Variants in PRTG observed in about 807,000 individuals in gnomAD.
PRTG encodes immunoglobulin superfamily, DCC subclass, member 5.
In PRTG, 67 loss-of-function variants were observed where a neutral mutation model predicts 122.5. The ratio of observed to expected loss-of-function variants is 0.55; its 90% CI spans 0.45 to 0.67. PRTG has a LOEUF of 0.67. PRTG is among the 30% of genes least tolerant of loss of function. The pLI, the probability that PRTG is intolerant of heterozygous loss-of-function variation, is 0.00. For synonymous variants in PRTG, 554 were observed against 501.1 expected, an observed-to-expected ratio of 1.11 and a Z score of -1.41; for missense variants, 1,435 against 1,415.4, an observed-to-expected ratio of 1.01 and a Z score of -0.22.
intron 2 of PRTG, among the ~76,000 whole-genome samples, chr15:55,715,701 G>A (rs192587332): frequency 1.6e-3 from 251 of 152,280 alleles, no homozygotes; most frequent in Non-Finnish European, 1.1e-3. Context: ...CTAGAGTTCC[G>A]TAAGGAAAAT....
chr15:55,639,454 T>C (rs1192241285), intron 13 of PRTG, among the ~76,000 whole-genome samples, 188 bp downstream of exon 13: 2 of 152,188 alleles, frequency 1.3e-5, no homozygotes, highest in Admixed American at 1.3e-4. Flanking sequence ...AAATTAAATG[T>C]CAAAAAGTAT....
intron 2 of PRTG, among the ~76,000 whole-genome samples, chr15:55,736,205 GA>G (rs147318437): frequency 0.088 from 13,310 of 152,058 alleles, 684 homozygotes; most frequent in Middle Eastern, 0.19. Context: ...GACTTCAAGT[GA>G]ATAGGCACGC....
chr15:55,694,166 T>A (rs1434441001), intron 2 of PRTG, among the ~76,000 whole-genome samples: 2 of 152,194 alleles, frequency 1.3e-5, no homozygotes, highest in African/African-American at 4.8e-5. Flanking sequence ...GTAACTAAGT[T>A]CAGATCTCCA....
Position 55,619,746 on chromosome 15 carries a change from T to C in PRTG, c.*266A>G. 2.3e-6 allele frequency: 1 copy of C among 430,646 alleles called. No homozygotes were observed. The highest frequency in any genetic ancestry group is 4.0e-6 in the Non-Finnish European group (1 of 249,734). 26.7% of individuals were successfully genotyped at this position (430,646 alleles called of 1,614,324 possible). A position where few individuals can be genotyped will look rare whatever the true frequency, so the allele number is the denominator to read the frequency against. On this transcript the variant is annotated 3_prime_UTR_variant, in exon 20 of 20. Transcript: ENST00000389286. ...GTTTAAAAATAAAAAACAAAACACATTCAAAAAAAGCTAAAATACCCCATA... is the reference window on the plus strand; with the variant it reads ...GTTTAAAAATAAAAAACAAAACACACTCAAAAAAAGCTAAAATACCCCATA...
intron 18 of PRTG, among the ~76,000 whole-genome samples, 170 bp downstream of exon 18, chr15:55,624,172 T>C (rs1192514639): frequency 2.0e-5 from 3 of 150,596 alleles, no homozygotes; most frequent in African/African-American, 7.3e-5. Flanking sequence ...CTCACCTTTT[T>C]CCCCCTAAAT....
At chr15:55,738,401 T>C (rs1197277811) in intron 2 of PRTG, 3 of 678,196 alleles carry the variant, frequency 4.4e-6, no homozygotes, top group Non-Finnish European at 8.0e-6. Context: ...TAGGATTCTA[T>C]CAGGCTTCTC....
rs370147827 is a variant in PRTG at position 55,673,689 on chromosome 15, G to A, written c.1547-13C>T. ...GGTCTCAGGGGAACTAGTCATAGAAGAAATCAGGTTGTTTATAAATATTTA... is the reference window on the plus strand; with the variant it reads ...GGTCTCAGGGGAACTAGTCATAGAAAAAATCAGGTTGTTTATAAATATTTA... On this transcript the variant is annotated splice_polypyrimidine_tract_variant and intron_variant, in intron 9 of 19. Transcript: ENST00000389286. 6.2e-7 allele frequency: 1 copy of A among 1,604,660 alleles called. No individual in the cohort carries two copies. The highest frequency in any genetic ancestry group is 1.3e-5 in the African/African-American group (1 of 74,632).
chr15:55,691,110 C>G (rs952901657), intron 2 of PRTG, among the ~76,000 whole-genome samples: 4 of 151,928 alleles, frequency 2.6e-5, no homozygotes, highest in Admixed American at 2.6e-4. Flanking sequence ...ACCTGGCCAA[C>G]GTGATGAAAC....
Position 55,620,180 on chromosome 15 carries a change from TG to T in PRTG, c.3284del (p.Pro1095GlnfsTer49), listed in dbSNP as rs757742064. On this transcript the variant is annotated frameshift_variant, in exon 20 of 20. Coordinates refer to ENST00000389286, the MANE Select transcript of PRTG (RefSeq NM_173814.6). LOFTEE classifies it high-confidence loss of function. Reference protein sequence around the residue: ...LISDEDSPSSPGQTTSFSRPF... With the variant: ...LISDEDSPSSXGQTTSFSRPF... Reference sequence around the variant, plus strand: ...GTCTTGAGAAGCTGGTTGTCTGACCTGGGGAGCTAGGGGAGTCTTCATCACT... The same window carrying T: ...GTCTTGAGAAGCTGGTTGTCTGACCTGGGAGCTAGGGGAGTCTTCATCACT... 1 of 1,614,206 alleles carries T rather than the reference TG, an allele frequency of 6.2e-7. No homozygotes were observed. The highest frequency in any genetic ancestry group is 2.2e-5 in the East Asian group (1 of 44,890).
chr15:55,696,675 T>A (rs1294709137), intron 2 of PRTG, among the ~76,000 whole-genome samples: 1 of 152,212 alleles, frequency 6.6e-6, no homozygotes, highest in East Asian at 1.9e-4. Flanking sequence ...AAAAATAATG[T>A]AACAAGACAA....
At chr15:55,688,028 A>G (rs2059579761) in intron 2 of PRTG, among the ~76,000 whole-genome samples, 1 of 152,172 alleles carries the variant, frequency 6.6e-6, no homozygotes, top group Non-Finnish European at 1.5e-5. Context: ...CCCTCCACAA[A>G]TAAAAGTGTT....
chr15:55,667,079 T>G (rs1268848409), intron 11 of PRTG, among the ~76,000 whole-genome samples: 1 of 152,046 alleles, frequency 6.6e-6, no homozygotes, highest in Non-Finnish European at 1.5e-5. Context: ...TTCCCAGAAG[T>G]GTTGAGACTT....
intron 11 of PRTG, among the ~76,000 whole-genome samples, chr15:55,665,388 G>A (rs1373492139): frequency 1.3e-5 from 2 of 152,238 alleles, no homozygotes; most frequent in African/African-American, 4.8e-5. Flanking sequence ...TTATGCTGCT[G>A]GTCCTGGGAC....
At chr15:55,626,794 A>G (rs1313697902) in intron 17 of PRTG, among the ~76,000 whole-genome samples, 1 of 152,148 alleles carries the variant, frequency 6.6e-6, no homozygotes, top group Non-Finnish European at 1.5e-5. Context: ...AAAAAAAAGA[A>G]TATTGGCATA....
At chr15:55,679,256 A>C in intron 7 of PRTG, 30 bp downstream of exon 7, 1 of 1,498,692 alleles carries the variant, frequency 6.7e-7, no homozygotes. Context: ...TATATCATAT[A>C]TAAAATGGTA....
intron 11 of PRTG, among the ~76,000 whole-genome samples, chr15:55,651,312 AG>A (rs1489064836): frequency 2.0e-5 from 3 of 152,214 alleles, no homozygotes; most frequent in Admixed American, 6.5e-5. Flanking sequence ...AATGTCCAGT[AG>A]AACAAAAGCA....
At chr15:55,644,643 C>G (rs142847531) in intron 11 of PRTG, among the ~76,000 whole-genome samples, 2 of 151,952 alleles carry the variant, frequency 1.3e-5, no homozygotes, top group Non-Finnish European at 2.9e-5. Context: ...CACATAAGCC[C>G]CATGAAAGGA....
At chr15:55,721,673 G>C (rs2030830882) in intron 2 of PRTG, among the ~76,000 whole-genome samples, 1 of 152,116 alleles carries the variant, frequency 6.6e-6, no homozygotes. Flanking sequence ...ACATACCCAA[G>C]ACTGGGTAAT....
intron 2 of PRTG, among the ~76,000 whole-genome samples, chr15:55,698,684 A>G (rs1453282194): frequency 6.6e-6 from 1 of 152,122 alleles, no homozygotes; most frequent in African/African-American, 2.4e-5. Flanking sequence ...GGCTCCTGGG[A>G]ATGGATTTTA....
Sources: gnomAD v4.1 joint callset for allele counts (sites outside exome capture counted in the v4.1 genomes callset) on GRCh38, gnomAD v4.1.1 for gene constraint, MANE v1.5 for transcripts, NCBI Gene and HGNC (gene_info 2026-07-23, HGNC 2026-07-21) for gene names.